The following MTHFD1 variants were observed in gnomAD, a reference collection of about 807,000 sequenced individuals.
The protein encoded by MTHFD1 is C-1-tetrahydrofolate synthase, cytoplasmic.
A neutral mutation model predicts 110.3 loss-of-function variants in MTHFD1; 44 were observed. The ratio of observed to expected loss-of-function variants is 0.40; its 90% confidence interval spans 0.31 to 0.51. MTHFD1 has a LOEUF of 0.51. MTHFD1 is among the 20% of genes least tolerant of loss of function. The pLI, the probability that MTHFD1 is intolerant of heterozygous loss-of-function variation, is 0.60. For missense variants in MTHFD1, 909 were observed against 1,173.1 expected (o/e 0.77, Z 3.29); for synonymous variants, 402 against 428.8 (o/e 0.94, Z 0.77).
At chr14:64,426,940 G>A (rs1315520735) in intron 11 of MTHFD1, among the ~76,000 whole-genome samples, 1 of 152,196 alleles carries the variant, frequency 6.6e-6, no homozygotes, top group African/African-American at 2.4e-5. Flanking sequence ...CTTACAGCAA[G>A]AAGAGCTAAA....
At chr14:64,445,658 C>G (rs1298845874) in intron 22 of MTHFD1, among the ~76,000 whole-genome samples, 3 of 152,158 alleles carry the variant, frequency 2.0e-5, no homozygotes, top group African/African-American at 7.2e-5. Context: ...TGCCTGTCTT[C>G]TGAGTTATGG....
At chr14:64,444,596 G>T in intron 21 of MTHFD1, 97 bp from the exon 22 acceptor site, 1 of 1,325,322 alleles carries the variant, frequency 7.5e-7, no homozygotes. Context: ...CAGCCTGCAA[G>T]CATTGCAGCG....
In MTHFD1 at chr14:64,426,005, C is replaced by T; in HGVS notation, c.954-14C>T. 6.2e-7 allele frequency: 1 copy of T among 1,613,386 alleles called. No individual in the cohort carries two copies. Among genetic ancestry groups the T allele is most frequent in the Non-Finnish European group, 8.5e-7 (1 of 1,179,906 alleles). On this transcript the variant is annotated splice_polypyrimidine_tract_variant and intron_variant, in intron 10 of 27. Transcript: ENST00000652337. ...GTGGATAAACATTAATACCTATTTT[C>T]TATGTTTCCAAAGTGACATTGATAT...
intron 2 of MTHFD1, among the ~76,000 whole-genome samples, chr14:64,408,228 A>G (rs1172205056): frequency 6.6e-6 from 1 of 151,978 alleles, no homozygotes; most frequent in Non-Finnish European, 1.5e-5. Flanking sequence ...CTGTTCTGGA[A>G]TAGGATCTTT....
Position 64,397,186 on chromosome 14 carries a change from TATATAAA to T in MTHFD1, c.42-3605_42-3599del, listed in dbSNP as rs2077863493. 7.9e-4 allele frequency among the ~76,000 whole-genome samples: 8 copies of T among 10,072 alleles called. 1 individual carries two copies. The highest frequency in any genetic ancestry group is 3.7e-3 in the Admixed American group (2 of 538). 6.6% of individuals were successfully genotyped at this position (10,072 alleles called of 152,430 possible). On this transcript the variant is annotated intron_variant, in intron 1 of 27. Coordinates refer to ENST00000652337, the MANE Select transcript of MTHFD1 (RefSeq NM_005956.4). ...ATATATATATATATATATATATATA[TATATAAA>T]AAACAGTAATCTATTGGGGCAGGGG...
chr14:64,398,339 A>G (rs1480795260), intron 1 of MTHFD1, among the ~76,000 whole-genome samples: 1 of 152,162 alleles, frequency 6.6e-6, no homozygotes, highest in African/African-American at 2.4e-5. Flanking sequence ...TGAGCTCAGG[A>G]GTTCAAGATC....
At chr14:64,425,030 T>G in intron 9 of MTHFD1, 99 bp downstream of exon 9, 1 of 1,426,944 alleles carries the variant, frequency 7.0e-7, no homozygotes. Flanking sequence ...TACTCAGAAG[T>G]AAAGATGTGA....
chr14:64,421,705 GC>G (rs1262482970), intron 8 of MTHFD1, among the ~76,000 whole-genome samples: 2 of 151,596 alleles, frequency 1.3e-5, no homozygotes, highest in African/African-American at 2.4e-5. Context: ...CTCACTGCAA[GC>G]TCCGCCTTGC....
At position 64,449,549 on chromosome 14, in the gene MTHFD1, C is replaced by T. The variant is rs1328327540; in HGVS notation, c.2384C>T (p.Ala795Val). 1.2e-6 allele frequency: 2 copies of T among 1,614,170 alleles called. No homozygotes were observed. The highest frequency in any genetic ancestry group is 1.7e-5 in the Admixed American group (1 of 60,026). The change falls in exon 24 of 28, where the codon GCC (alanine) becomes GTC (valine). Residue 795 changes from alanine (A) to valine (V), a missense_variant. Around this residue, in one of 3 missense-constraint regions of MTHFD1, gnomAD observed 482 missense variants for 646.0 expected, o/e 0.75. Transcript: ENST00000652337. Reference sequence around the variant, plus strand: ...CACTGGGCAGAAGGGGGCAAGGGTGCCTTAGCCCTGGCTCAGGCCGTCCAG... The same window carrying T: ...CACTGGGCAGAAGGGGGCAAGGGTGTCTTAGCCCTGGCTCAGGCCGTCCAG... ...CTHWAEGGKGALALAQAVQRA... is the reference protein window; with the variant it reads ...CTHWAEGGKGVLALAQAVQRA...
At chr14:64,440,513 CT>C in intron 18 of MTHFD1, 2 of 530,542 alleles carry the variant, frequency 3.8e-6, no homozygotes, top group Non-Finnish European at 7.0e-6. Context: ...CATCTTCATC[CT>C]GTGGGCATCT....
At chr14:64,427,808 C>A (rs984916144) in intron 12 of MTHFD1, among the ~76,000 whole-genome samples, 15 of 152,308 alleles carry the variant, frequency 9.8e-5, no homozygotes, top group African/African-American at 3.4e-4. Flanking sequence ...GAGACAATGA[C>A]AAACCCCACA....
rs565883149 is a variant in MTHFD1, at chr14:64,441,524, T to C, written c.1884+71T>C. ...AGAGCAGAGTGGTTATAAAGCACAC[T>C]TGCAAGGCGCGGTGGCTCACACCTG... On this transcript the variant is annotated intron_variant, in intron 19 of 27. Coordinates refer to ENST00000652337, the MANE Select transcript of MTHFD1 (RefSeq NM_005956.4). 4 of 1,465,818 alleles carry C rather than the reference T, an allele frequency of 2.7e-6. 1 individual carries two copies. The highest frequency in any genetic ancestry group is 3.4e-5 in the Admixed American group (2 of 59,030). 90.8% of individuals were successfully genotyped at this position (1,465,818 alleles called of 1,614,324 possible). A position where few individuals can be genotyped will look rare whatever the true frequency, so the allele number is the denominator to read the frequency against.
chr14:64,429,117 C>A (rs576456563), intron 12 of MTHFD1, among the ~76,000 whole-genome samples: 6 of 151,164 alleles, frequency 4.0e-5, no homozygotes, highest in African/African-American at 1.5e-4. Flanking sequence ...TACTTGAGGC[C>A]AGGAGTTCGA....
chr14:64,439,998 A>G, intron 17 of MTHFD1, 128 bp from the exon 18 acceptor site: 1 of 641,310 alleles, frequency 1.6e-6, no homozygotes, highest in Non-Finnish European at 2.6e-6. Context: ...TATTTTGGGT[A>G]GTATTCTGTT....
chr14:64,429,682 A>C (rs551993616), intron 12 of MTHFD1, among the ~76,000 whole-genome samples: 3 of 152,270 alleles, frequency 2.0e-5, no homozygotes, highest in Admixed American at 2.0e-4. Context: ...ACCCAAATCC[A>C]AAACCCAAAT....
chr14:64,442,485 A>C, intron 21 of MTHFD1, 83 bp downstream of exon 21: 1 of 1,412,164 alleles, frequency 7.1e-7, no homozygotes, highest in Non-Finnish European at 9.9e-7. Context: ...CTGTTTCTTC[A>C]TTGAGTTGCT....
At chr14:64,431,913 A>C (rs931518788) in intron 15 of MTHFD1, 52 bp downstream of exon 15, 4 of 1,494,502 alleles carry the variant, frequency 2.7e-6, no homozygotes, top group Non-Finnish European at 3.7e-6. Flanking sequence ...CTGGAATCTG[A>C]TCATTGATTA....
intron 24 of MTHFD1, among the ~76,000 whole-genome samples, chr14:64,450,357 G>A (rs2078350889): frequency 6.6e-6 from 1 of 152,228 alleles, no homozygotes; most frequent in South Asian, 2.1e-4. Flanking sequence ...GGGGAAAGAA[G>A]TGTGCCCCCA....
At chr14:64,435,695 C>T (rs745887349) in intron 16 of MTHFD1, 24 bp downstream of exon 16, 25 of 1,460,946 alleles carry the variant, frequency 1.7e-5, no homozygotes, top group South Asian at 5.7e-5. Flanking sequence ...ATACAAGCCC[C>T]GTTTGTTTTG....
Sources: allele counts gnomAD v4.1 joint callset (sites outside exome capture counted in the v4.1 genomes callset), GRCh38; gene constraint gnomAD v4.1.1; regional missense constraint gnomAD v4.1.1; transcripts MANE v1.5; gene names NCBI Gene and HGNC (gene_info 2026-07-23, HGNC 2026-07-21).